The following SCAI variants were observed in gnomAD, a reference collection of about 807,000 sequenced individuals.
SCAI encodes the protein protein SCAI.
A neutral mutation model predicts 92.2 loss-of-function variants in SCAI; 24 were observed. The observed-to-expected ratio is 0.26, with a 90% CI of 0.19 to 0.37. The LOEUF is 0.37. Ranked by LOEUF, SCAI falls within the 10% of genes least tolerant of loss-of-function variation. The probability of loss-of-function intolerance (pLI) is 1.00; values close to 1 mark genes in which losing one functional copy is unlikely to be tolerated. For missense variants in SCAI, 450 were observed against 736.2 expected, an observed-to-expected ratio of 0.61 and a Z score of 4.50; for synonymous variants, 261 against 258.6, an observed-to-expected ratio of 1.01 and a Z score of -0.09.
Position 125,003,577 on chromosome 9 carries a change from GAAA to G in SCAI, c.862-10_862-8del. 4 of 1,254,318 alleles carry G rather than the reference GAAA, an allele frequency of 3.2e-6. No homozygotes were observed. The highest frequency in any genetic ancestry group is 1.5e-5 in the South Asian group (1 of 65,436). The allele number at this position is 1,254,318 out of a possible 1,614,324, so 77.7% of individuals were successfully genotyped here. On this transcript the variant is annotated splice_region_variant and splice_polypyrimidine_tract_variant and intron_variant, in intron 9 of 17. Transcript: ENST00000336505. ...TTAGTTCACTGAACTTAACCTGCAA[GAAA>G]AAAAAAAACAAACACAACCTAGCCT... is the stretch of plus-strand genomic sequence containing the variant.
chr9:125,142,816 C>G (rs1835699859), intron 1 of SCAI, 139 bp from the exon 2 acceptor site: 1 of 694,332 alleles, frequency 1.4e-6, no homozygotes, highest in Non-Finnish European at 2.6e-6. Flanking sequence ...ACCTTACAAA[C>G]GCCTCATGCC....
chr9:125,087,127 A>T (rs947499719), intron 2 of SCAI, among the ~76,000 whole-genome samples: 2 of 152,248 alleles, frequency 1.3e-5, no homozygotes, highest in African/African-American at 2.4e-5. Flanking sequence ...AGAAAACAGC[A>T]TTCTCTACTT....
chr9:125,108,249 G>A (rs542242718), intron 2 of SCAI, among the ~76,000 whole-genome samples: 32 of 151,204 alleles, frequency 2.1e-4, no homozygotes, highest in South Asian at 4.2e-4. Context: ...CTGCCCAGCC[G>A]CCACCCCGTC....
chr9:124,981,252 T>C (rs1393682362), intron 14 of SCAI, among the ~76,000 whole-genome samples: 2 of 152,216 alleles, frequency 1.3e-5, no homozygotes, highest in Non-Finnish European at 2.9e-5. Flanking sequence ...ATTAGTAGCT[T>C]TTCTGTGATT....
intron 2 of SCAI, among the ~76,000 whole-genome samples, chr9:125,060,212 T>C (rs1379853955): frequency 2.7e-5 from 4 of 146,572 alleles, no homozygotes; most frequent in Non-Finnish European, 4.4e-5. Flanking sequence ...AGATGTGCTA[T>C]AAATGTGAGG....
chr9:124,964,958 G>A (rs771952178), intron 17 of SCAI, among the ~76,000 whole-genome samples: 24 of 150,936 alleles, frequency 1.6e-4, no homozygotes, highest in Non-Finnish European at 2.8e-4. Context: ...TTTAAATCCT[G>A]GTGTTCACTT....
Position 125,037,012 on chromosome 9 carries a change from T to C in SCAI, c.231-7273A>G, listed in dbSNP as rs542403676. ...GGCCAGGTGCAGTGGCTCACGCCTGTAATCCCAGCACTTTGGGAGGCCGAG... is the reference window on the plus strand; with the variant it reads ...GGCCAGGTGCAGTGGCTCACGCCTGCAATCCCAGCACTTTGGGAGGCCGAG... On this transcript the variant is annotated intron_variant, in intron 3 of 17. Transcript: ENST00000336505. Among the ~76,000 whole-genome samples, 4 of 152,246 alleles carry C rather than the reference T, an allele frequency of 2.6e-5. No individual in the cohort carries two copies. The South Asian group carries it at 6.2e-4, about 24-fold the overall frequency.
chr9:124,989,558 G>C (rs1832072781), intron 14 of SCAI, among the ~76,000 whole-genome samples: 1 of 151,914 alleles, frequency 6.6e-6, no homozygotes, highest in African/African-American at 2.4e-5. Context: ...TCCAGCCTGG[G>C]TGACAAGAGT....
At chr9:124,953,092 T>C in intron 17 of SCAI, 139 bp from the exon 18 acceptor site, 3 of 725,704 alleles carry the variant, frequency 4.1e-6, no homozygotes, top group Non-Finnish European at 4.6e-6. Context: ...TGTTGAATAT[T>C]GAATTGCTGA....
intron 17 of SCAI, among the ~76,000 whole-genome samples, chr9:124,969,020 G>A (rs540903109): frequency 6.6e-6 from 1 of 151,196 alleles, no homozygotes; most frequent in South Asian, 2.1e-4. Context: ...AGAGCTCACT[G>A]CAGCCTCAAA....
chr9:124,978,346 C>A (rs1479632663), intron 14 of SCAI, among the ~76,000 whole-genome samples: 1 of 152,178 alleles, frequency 6.6e-6, no homozygotes, highest in Non-Finnish European at 1.5e-5. Flanking sequence ...GAAGCTGAGG[C>A]AGGAGAGTCA....
At chr9:125,038,929 C>T (rs1196247595) in intron 3 of SCAI, among the ~76,000 whole-genome samples, 2 of 152,198 alleles carry the variant, frequency 1.3e-5, no homozygotes, top group African/African-American at 4.8e-5. Flanking sequence ...TATGCTCTTT[C>T]ACAGAAGCCA....
chr9:124,981,568 A>G (rs1450428204), intron 14 of SCAI, among the ~76,000 whole-genome samples: 2 of 152,164 alleles, frequency 1.3e-5, no homozygotes, highest in Non-Finnish European at 2.9e-5. Context: ...AGAACACGTG[A>G]TGAGTGTTAT....
At chr9:125,132,877 A>T (rs937455436) in intron 2 of SCAI, among the ~76,000 whole-genome samples, 1 of 152,156 alleles carries the variant, frequency 6.6e-6, no homozygotes, top group South Asian at 2.1e-4. Context: ...AGGCAGGAGA[A>T]TCACTTGAAC....
At position 125,092,131 on chromosome 9, in the gene SCAI, T is replaced by TAAAAA. The variant is rs71374225; in HGVS notation, c.99-36129_99-36125dup. Reference sequence around the variant, plus strand: ...GGCGACAGAGCAAGACTCCGTCTCTTAAAAAAAAAAAAAAAAAAAAAAAAA... The same window carrying TAAAAA: ...GGCGACAGAGCAAGACTCCGTCTCTTAAAAAAAAAAAAAAAAAAAAAAAAAAAAAA... On this transcript the variant is annotated intron_variant, in intron 2 of 17. Coordinates refer to ENST00000336505, the MANE Select transcript of SCAI (RefSeq NM_001144877.3). 7.4e-4 allele frequency among the ~76,000 whole-genome samples: 45 copies of TAAAAA among 61,138 alleles called. 2 individuals are homozygous for TAAAAA. The highest frequency in any genetic ancestry group is 1.0e-3 in the Non-Finnish European group (33 of 31,518). The allele number at this position is 61,138 out of a possible 152,430, so 40.1% of individuals were successfully genotyped here.
chr9:125,056,021 T>C lies in SCAI; in HGVS notation c.99-14A>G. ...GCAAATTCAGTCCTGTAAGAAAACA[T>C]ATGTTCATTCATGCAGGAGGTAAAA... On this transcript the variant is annotated splice_polypyrimidine_tract_variant and intron_variant, in intron 2 of 17. Coordinates refer to ENST00000336505, the MANE Select transcript of SCAI (RefSeq NM_001144877.3). 1 of 1,583,316 alleles carries C rather than the reference T, an allele frequency of 6.3e-7. No homozygotes were observed. Among genetic ancestry groups the C allele is most frequent in the South Asian group, 1.2e-5 (1 of 86,098 alleles).
chr9:124,979,777 C>T (rs1170567159), intron 14 of SCAI, among the ~76,000 whole-genome samples: 3 of 151,792 alleles, frequency 2.0e-5, no homozygotes, highest in African/African-American at 2.4e-5. Context: ...AGGCTGGGCG[C>T]GGTGGCTCAC....
chr9:125,023,247 T>C (rs1175618175), intron 6 of SCAI, among the ~76,000 whole-genome samples: 1 of 152,198 alleles, frequency 6.6e-6, no homozygotes, highest in Admixed American at 6.5e-5. Context: ...CCTTGCTCTT[T>C]TATGTCACCC....
chr9:125,079,651 T>C (rs543811477), intron 2 of SCAI, among the ~76,000 whole-genome samples: 247 of 152,224 alleles, frequency 1.6e-3, no homozygotes, highest in African/African-American at 5.8e-3. Context: ...AGTCTGTAAA[T>C]GACACTACTA....
Sources: allele counts gnomAD v4.1 joint callset (sites outside exome capture counted in the v4.1 genomes callset), GRCh38; gene constraint gnomAD v4.1.1; transcripts MANE v1.5; gene names NCBI Gene and HGNC (gene_info 2026-07-23, HGNC 2026-07-21).